ZNF366: variants seen among roughly 807,000 people sequenced by gnomAD.
ZNF366 encodes dendritic cell-specific transcript protein.
ZNF366 carries 20 observed loss-of-function variants against 47.2 expected under a neutral mutation model. The ratio of observed to expected loss-of-function variants is 0.42; its 90% CI spans 0.30 to 0.62. The LOEUF is 0.62. ZNF366 is among the 20% of genes least tolerant of loss of function. The pLI is 0.16. For missense variants in ZNF366, 987 were observed against 976.3 expected (o/e 1.01, Z -0.15); for synonymous variants, 421 against 395.1 (o/e 1.07, Z -0.78).
intron 1 of ZNF366, among the ~76,000 whole-genome samples, chr5:72,466,741 C>T (rs528956803): frequency 1.1e-4 from 16 of 152,292 alleles, no homozygotes; most frequent in South Asian, 4.1e-4. Context: ...GGATGACTTT[C>T]GATATTTCCC....
At chr5:72,455,180 C>T (rs899597356) in intron 3 of ZNF366, among the ~76,000 whole-genome samples, 4 of 152,038 alleles carry the variant, frequency 2.6e-5, no homozygotes, top group Admixed American at 2.6e-4. Flanking sequence ...GAGAAGCCTC[C>T]CTCTCCCACC....
At chr5:72,461,572 T>G in intron 1 of ZNF366, 62 bp from the exon 2 acceptor site, 3 of 1,506,972 alleles carry the variant, frequency 2.0e-6, no homozygotes, top group Non-Finnish European at 2.6e-6. Context: ...TCTTTTTCCT[T>G]AAGGATTATG....
intron 1 of ZNF366, among the ~76,000 whole-genome samples, chr5:72,499,525 C>G (rs1181206539): frequency 7.0e-6 from 1 of 143,120 alleles, no homozygotes; most frequent in Non-Finnish European, 1.5e-5. Context: ...CGCTCTGTCA[C>G]CAACCCCGCC....
intron 1 of ZNF366, among the ~76,000 whole-genome samples, chr5:72,502,290 A>G (rs1471424002): frequency 6.6e-6 from 1 of 152,168 alleles, no homozygotes; most frequent in Non-Finnish European, 1.5e-5. Context: ...TTATTCTTTT[A>G]TGTAAATACC....
At position 72,441,383 on chromosome 5, in the gene ZNF366, T is replaced by A. The variant is rs1005762196; in HGVS notation, c.*2373A>T. 1.3e-5 allele frequency: 2 copies of A among 152,232 alleles called. No individual in the cohort carries two copies. The highest frequency in any genetic ancestry group is 2.9e-5 in the Non-Finnish European group (2 of 68,088). The allele number at this position is 152,232 out of a possible 1,614,324, so 9.4% of individuals were successfully genotyped here. A position where few individuals can be genotyped will look rare whatever the true frequency, so the allele number is the denominator to read the frequency against. Reference sequence around the variant, plus strand: ...AGCCTCCCAGGCCACACTGCCAGCATCCTGGGCAATTTCATCAGAGGCACT... The same window carrying A: ...AGCCTCCCAGGCCACACTGCCAGCAACCTGGGCAATTTCATCAGAGGCACT... On this transcript the variant is annotated 3_prime_UTR_variant, in exon 5 of 5. Transcript: ENST00000318442.
chr5:72,447,566 G>A, intron 3 of ZNF366, 149 bp from the exon 4 acceptor site: 1 of 889,520 alleles, frequency 1.1e-6, no homozygotes. Context: ...AATCAGGAAG[G>A]AGCCTCAGAG....
chr5:72,496,847 T>C (rs933393927), intron 1 of ZNF366, among the ~76,000 whole-genome samples: 1 of 152,246 alleles, frequency 6.6e-6, no homozygotes, highest in Non-Finnish European at 1.5e-5. Context: ...TGTGTAGTGA[T>C]ATCTCATCAT....
At chr5:72,464,470 G>T (rs183118486) in intron 1 of ZNF366, among the ~76,000 whole-genome samples, 1 of 151,746 alleles carries the variant, frequency 6.6e-6, no homozygotes, top group African/African-American at 2.4e-5. Context: ...CTAATATAAT[G>T]TTAATCTCAA....
At chr5:72,462,536 TTTCTTTCTTTC>T (rs999319524) in intron 1 of ZNF366, among the ~76,000 whole-genome samples, 12 of 82,610 alleles carry the variant, frequency 1.5e-4, no homozygotes, top group African/African-American at 6.2e-4. Flanking sequence ...TCTTTCTTTC[TTTCTTTCTTTC>T]TTTTTTTTTT....
At chr5:72,463,367 A>G (rs1580239573) in intron 1 of ZNF366, among the ~76,000 whole-genome samples, 1 of 152,346 alleles carries the variant, frequency 6.6e-6, no homozygotes, top group Middle Eastern at 3.4e-3. Flanking sequence ...CTATCTGGGC[A>G]TTATTTAAAG....
intron 4 of ZNF366, among the ~76,000 whole-genome samples, chr5:72,446,915 G>A (rs577935270): frequency 1.3e-5 from 2 of 152,228 alleles, no homozygotes; most frequent in East Asian, 1.9e-4. Context: ...TCATTCCCCC[G>A]CTGTAAAATA....
chr5:72,463,171 T>A (rs1029771006), intron 1 of ZNF366, among the ~76,000 whole-genome samples: 2 of 152,258 alleles, frequency 1.3e-5, no homozygotes, highest in African/African-American at 4.8e-5. Flanking sequence ...TCTATGGTCC[T>A]TGGCGAGTCG....
chr5:72,479,981 C>G (rs771728766), intron 1 of ZNF366, among the ~76,000 whole-genome samples: 62 of 152,192 alleles, frequency 4.1e-4, no homozygotes, highest in Non-Finnish European at 8.2e-4. Flanking sequence ...GGAGGAGATG[C>G]AAGCAGGCTC....
At chr5:72,452,381 G>A (rs1335705800) in intron 3 of ZNF366, among the ~76,000 whole-genome samples, 1 of 152,244 alleles carries the variant, frequency 6.6e-6, no homozygotes, top group African/African-American at 2.4e-5. Flanking sequence ...CTGGGGACAT[G>A]TGAGGCATTG....
At chr5:72,466,044 G>A (rs1344566713) in intron 1 of ZNF366, among the ~76,000 whole-genome samples, 2 of 152,156 alleles carry the variant, frequency 1.3e-5, no homozygotes, top group African/African-American at 2.4e-5. Flanking sequence ...TGTGATCAGT[G>A]GTTTGATGCT....
Position 72,460,898 on chromosome 5 carries a change from C to T in ZNF366, c.599G>A (p.Arg200Gln), listed in dbSNP as rs551430788. 1 of 1,613,084 alleles carries T rather than the reference C, an allele frequency of 6.2e-7. No individual in the cohort carries two copies. The highest frequency in any genetic ancestry group is 1.1e-5 in the South Asian group (1 of 91,032). ...VPSSSPFPFS[R>Q]HTFLPKQPPE... ...GGGCTGCTTGGGCAGGAAGGTGTGCCGGCTGAAGGGGAAGGGCGAGGACGA... is the reference window on the plus strand; with the variant it reads ...GGGCTGCTTGGGCAGGAAGGTGTGCTGGCTGAAGGGGAAGGGCGAGGACGA... Residue 200 changes from arginine to glutamine, a missense_variant, in exon 2 of 5, where the codon CGG becomes CAG. Arg to Gln is a conservative substitution (Grantham distance 43, BLOSUM62 1). Coordinates refer to ENST00000318442, the MANE Select transcript of ZNF366 (RefSeq NM_152625.3).
chr5:72,461,059 C>A lies in ZNF366; in HGVS notation c.438G>T (p.Gly146=), dbSNP rs1225766272. 5.6e-6 allele frequency: 9 copies of A among 1,614,094 alleles called. No individual in the cohort carries two copies. Among genetic ancestry groups the A allele is most frequent in the South Asian group, 2.2e-5 (2 of 91,076 alleles). ...TGGGTTCCTGCTTGACGGGCTTGCC[C>A]CCAAAGTGTTCCAGGCTGCGGTAGA... The part of the protein sequence containing the change: ...FQFYRSLEHF[G]GKPVKQEPIK... The change falls in exon 2 of 5, where the codon GGG becomes GGT. Residue 146 remains glycine, a synonymous_variant. Transcript: ENST00000318442.
At chr5:72,480,969 A>G (rs899538127) in intron 1 of ZNF366, among the ~76,000 whole-genome samples, 3 of 152,210 alleles carry the variant, frequency 2.0e-5, no homozygotes, top group Non-Finnish European at 4.4e-5. Flanking sequence ...CCCTGGGCCA[A>G]TTCACAGCTT....
At chr5:72,504,107 A>G (rs1214085198) in intron 1 of ZNF366, among the ~76,000 whole-genome samples, 1 of 151,608 alleles carries the variant, frequency 6.6e-6, no homozygotes, top group Non-Finnish European at 1.5e-5. Context: ...GCGTGCATGC[A>G]CACACACACG....
Sources: gnomAD v4.1 joint callset for allele counts (sites outside exome capture counted in the v4.1 genomes callset) on GRCh38, gnomAD v4.1.1 for gene constraint, MANE v1.5 for transcripts, NCBI Gene and HGNC (gene_info 2026-07-23, HGNC 2026-07-21) for gene names.